THSD7A: variants seen among roughly 807,000 people sequenced by gnomAD.
THSD7A encodes the protein thrombospondin type 1 domain containing 7A.
In THSD7A, 96 loss-of-function variants were observed where a neutral mutation model predicts 231.3. The observed-to-expected ratio is 0.41, with a 90% CI of 0.35 to 0.49. THSD7A has a LOEUF of 0.49. THSD7A is among the 20% of genes least tolerant of loss of function. The probability of loss-of-function intolerance (pLI) is 0.05; values close to 1 mark genes in which losing one functional copy is unlikely to be tolerated. For missense variants in THSD7A, 2,290 were observed against 2,070.2 expected (o/e 1.11, Z -2.06); for synonymous variants, 940 against 743.3 (o/e 1.26, Z -4.30).
At chr7:11,701,321 T>C (rs142996684) in intron 1 of THSD7A, among the ~76,000 whole-genome samples, 10 of 151,326 alleles carry the variant, frequency 6.6e-5, no homozygotes, top group Non-Finnish European at 1.2e-4. Flanking sequence ...ATATTTCCAA[T>C]ATGTAGATCT....
chr7:11,406,009 C>T lies in THSD7A; in HGVS notation c.4237+291G>A, dbSNP rs1201690726. 6.6e-6 allele frequency among the ~76,000 whole-genome samples: 1 copy of T among 152,122 alleles called. No homozygotes were observed. The highest frequency in any genetic ancestry group is 1.9e-4 in the East Asian group (1 of 5,178). ...GTCCTTATTTTCTCATCTTTTATTT[C>T]ATAACTTTTCTGTGGAGCATGGGCT... On this transcript the variant is annotated intron_variant, in intron 22 of 27. Transcript: ENST00000423059. The surrounding 1 kb of genome is among the most constrained non-coding windows in gnomAD (Gnocchi z 4.7).
intron 26 of THSD7A, 149 bp downstream of exon 26, chr7:11,378,921 T>C (rs1020696641): frequency 8.7e-5 from 60 of 685,764 alleles, no homozygotes; most frequent in Admixed American, 1.5e-4. Flanking sequence ...TAGTAAAAAA[T>C]TGAAGAATAG....
chr7:11,789,747 C>CA (rs1404076245), intron 1 of THSD7A, among the ~76,000 whole-genome samples: 4 of 151,864 alleles, frequency 2.6e-5, no homozygotes, highest in South Asian at 2.1e-4. Flanking sequence ...CAAACCAACT[C>CA]AAAAAAATAC....
At chr7:11,727,138 GAGA>G (rs1254081233) in intron 1 of THSD7A, among the ~76,000 whole-genome samples, 3 of 151,984 alleles carry the variant, frequency 2.0e-5, no homozygotes, top group African/African-American at 7.2e-5. Flanking sequence ...GGCTGTCACG[GAGA>G]AGAATATTCT....
chr7:11,823,645 T>C (rs977020941), intron 1 of THSD7A, among the ~76,000 whole-genome samples: 3 of 152,140 alleles, frequency 2.0e-5, no homozygotes, highest in Non-Finnish European at 4.4e-5. Flanking sequence ...CAGTGTTTTG[T>C]AGTTTTCCTT....
rs946434629 is a variant in THSD7A, at chr7:11,693,004, T to C, written c.191-56043A>G. ...CATGCTATAAGGTTTTTTTGTTTGT[T>C]TGTTTGTTTTAGAATACACTGTTGA... On this transcript the variant is annotated intron_variant, in intron 1 of 27. Transcript: ENST00000423059. Among the ~76,000 whole-genome samples, 4 of 151,518 alleles carry C rather than the reference T, an allele frequency of 2.6e-5. No individual in the cohort carries two copies. In the East Asian group the frequency reaches 7.8e-4, roughly 30 times the overall value.
chr7:11,504,230 G>C (rs1482173627), intron 6 of THSD7A, among the ~76,000 whole-genome samples: 4 of 152,132 alleles, frequency 2.6e-5, no homozygotes, highest in Non-Finnish European at 5.9e-5. Context: ...AATACCACAT[G>C]CTTTCACCTA....
At chr7:11,466,128 T>G (rs1785695619) in intron 9 of THSD7A, among the ~76,000 whole-genome samples, 1 of 152,170 alleles carries the variant, frequency 6.6e-6, no homozygotes, top group South Asian at 2.1e-4. Flanking sequence ...TTCCTTAAAG[T>G]GATTTTAAAA....
At chr7:11,491,792 T>C (rs1786903744) in intron 6 of THSD7A, among the ~76,000 whole-genome samples, 1 of 152,092 alleles carries the variant, frequency 6.6e-6, no homozygotes, top group African/African-American at 2.4e-5. Context: ...CCTGTGTTGA[T>C]CTCTCCAGCT....
intron 6 of THSD7A, among the ~76,000 whole-genome samples, chr7:11,510,652 A>G (rs1323456642): frequency 6.6e-6 from 1 of 152,234 alleles, no homozygotes; most frequent in African/African-American, 2.4e-5. Context: ...TCCATCATAT[A>G]AAAGGAACTA....
intron 1 of THSD7A, among the ~76,000 whole-genome samples, chr7:11,818,880 T>C (rs1266100853): frequency 6.6e-6 from 1 of 152,222 alleles, no homozygotes; most frequent in Non-Finnish European, 1.5e-5. Context: ...TGTGGTTTTT[T>C]TTCATTATTG....
chr7:11,785,812 G>C (rs1486499410), intron 1 of THSD7A, among the ~76,000 whole-genome samples: 1 of 152,046 alleles, frequency 6.6e-6, no homozygotes, highest in African/African-American at 2.4e-5. Context: ...ACATGCTGTT[G>C]CTATCAGTTT....
At chr7:11,623,116 A>G (rs1781372354) in intron 2 of THSD7A, among the ~76,000 whole-genome samples, 1 of 152,194 alleles carries the variant, frequency 6.6e-6, no homozygotes, top group Non-Finnish European at 1.5e-5. Flanking sequence ...GAAGGTAGCT[A>G]TCATCCAGGT....
At chr7:11,817,356 ATGGCTAAGATAT>A (rs1784737831) in intron 1 of THSD7A, among the ~76,000 whole-genome samples, 1 of 152,334 alleles carries the variant, frequency 6.6e-6, no homozygotes, top group Non-Finnish European at 1.5e-5. Context: ...CATTGCCTGC[ATGGCTAAGATAT>A]GCACAATCAC....
rs2526101 is a variant in THSD7A at position 11,637,825 on chromosome 7, A to G, written c.191-864T>C. On this transcript the variant is annotated intron_variant, in intron 1 of 27. Coordinates refer to ENST00000423059, the MANE Select transcript of THSD7A (RefSeq NM_015204.3). The surrounding 1 kb of genome is among the most constrained non-coding windows in gnomAD (Gnocchi z 4.2). ...CCTTCTTAGAATAAACTTTATATTC[A>G]CATATATTATTTTTTTCTAAGGTAG... 0.36 allele frequency among the ~76,000 whole-genome samples: 55,362 copies of G among 151,958 alleles called. 10,574 individuals carry two copies. Among genetic ancestry groups the G allele is most frequent in the Non-Finnish European group, 0.43 (29,415 of 67,958 alleles).
chr7:11,523,418 T>C (rs1273395533), intron 6 of THSD7A, among the ~76,000 whole-genome samples: 1 of 151,968 alleles, frequency 6.6e-6, no homozygotes, highest in Non-Finnish European at 1.5e-5. Flanking sequence ...CTAAGAAAAA[T>C]TAAGAAAAAC....
intron 7 of THSD7A, among the ~76,000 whole-genome samples, chr7:11,480,664 G>A (rs1414496984): frequency 6.6e-6 from 1 of 152,050 alleles, no homozygotes; most frequent in African/African-American, 2.4e-5. Flanking sequence ...ACACAGGTTG[G>A]CTTTTCTGTG....
At chr7:11,732,140 T>G (rs912564823) in intron 1 of THSD7A, among the ~76,000 whole-genome samples, 51 of 151,864 alleles carry the variant, frequency 3.4e-4, no homozygotes, top group South Asian at 6.2e-4. Flanking sequence ...GATAATGCTG[T>G]TTATTGAGCA....
intron 11 of THSD7A, among the ~76,000 whole-genome samples, chr7:11,449,495 G>T (rs954020453): frequency 1.3e-5 from 2 of 151,950 alleles, no homozygotes; most frequent in Non-Finnish European, 2.9e-5. Context: ...AAAATCCTTT[G>T]GTACCTAATC....
Sources: gnomAD v4.1 joint callset for allele counts (sites outside exome capture counted in the v4.1 genomes callset) on GRCh38, gnomAD v4.1.1 for gene constraint, Gnocchi (gnomAD v3.1) non-coding constraint, MANE v1.5 for transcripts, NCBI Gene and HGNC (gene_info 2026-07-23, HGNC 2026-07-21) for gene names.